The following PKIA variants were observed in gnomAD, a reference collection of about 807,000 sequenced individuals.
PKIA encodes cAMP-dependent protein kinase inhibitor alpha, also known as PKI-alpha.
A neutral mutation model predicts 7.6 loss-of-function variants in PKIA; 4 were observed. That is an observed-to-expected ratio of 0.52 (90% CI 0.26 to 1.20). The LOEUF is 1.20. Among genes scored for constraint, PKIA ranks in the 50% most tolerant of loss-of-function variants. The probability of loss-of-function intolerance (pLI) is 0.13; values close to 1 mark genes in which losing one functional copy is unlikely to be tolerated. For missense variants in PKIA, 73 were observed against 86.2 expected (o/e 0.85, Z 0.61); for synonymous variants, 21 against 30.7 (o/e 0.68, Z 1.04).
intron 1 of PKIA, among the ~76,000 whole-genome samples, chr8:78,523,131 G>A (rs1341502879): frequency 1.3e-5 from 2 of 151,850 alleles, no homozygotes; most frequent in African/African-American, 4.8e-5. Flanking sequence ...GGACAAAGAT[G>A]AAGCAACATG....
chr8:78,601,684 T>C (rs1585936783), intron 3 of PKIA, 58 bp from the exon 4 acceptor site: 4 of 1,270,728 alleles, frequency 3.1e-6, no homozygotes, highest in Non-Finnish European at 4.5e-6. Context: ...TGACAGTTGG[T>C]AAATAAAAGC....
At chr8:78,595,623 C>T (rs1343926412) in intron 2 of PKIA, among the ~76,000 whole-genome samples, 1 of 152,088 alleles carries the variant, frequency 6.6e-6, no homozygotes, top group African/African-American at 2.4e-5. Flanking sequence ...TCTATTCTTC[C>T]CTTCTTTGTG....
chr8:78,576,552 T>C (rs1266181141), intron 2 of PKIA, among the ~76,000 whole-genome samples: 1 of 152,026 alleles, frequency 6.6e-6, no homozygotes, highest in Non-Finnish European at 1.5e-5. Context: ...TTGTATCCAT[T>C]AGCCACGTGT....
chr8:78,517,755 G>T (rs983588951), intron 1 of PKIA, among the ~76,000 whole-genome samples: 3 of 152,156 alleles, frequency 2.0e-5, no homozygotes, highest in African/African-American at 7.2e-5. Context: ...ATGTACATTT[G>T]AATAATATGC....
At chr8:78,531,821 A>G (rs1011008588) in intron 1 of PKIA, among the ~76,000 whole-genome samples, 5 of 152,104 alleles carry the variant, frequency 3.3e-5, no homozygotes, top group African/African-American at 1.2e-4. Flanking sequence ...GAGATGGCAA[A>G]TTCCTGCTAG....
chr8:78,564,407 T>C (rs1344390421), intron 1 of PKIA, among the ~76,000 whole-genome samples: 1 of 151,966 alleles, frequency 6.6e-6, no homozygotes, highest in Non-Finnish European at 1.5e-5. Context: ...AATTAGTATT[T>C]TAAATATATA....
intron 3 of PKIA, among the ~76,000 whole-genome samples, chr8:78,600,676 A>G (rs1384292823): frequency 6.6e-6 from 1 of 152,142 alleles, no homozygotes; most frequent in African/African-American, 2.4e-5. Flanking sequence ...ATAGTGCATG[A>G]AAATTATATA....
chr8:78,581,469 C>G (rs1807805165), intron 2 of PKIA, among the ~76,000 whole-genome samples: 1 of 151,914 alleles, frequency 6.6e-6, no homozygotes, highest in East Asian at 1.9e-4. Flanking sequence ...CTGGGTGGCA[C>G]CTTTTAATCA....
In PKIA at chr8:78,602,618, CTGTT is replaced by C. The variant is rs1165939437; in HGVS notation, c.*800_*803del. On this transcript the variant is annotated 3_prime_UTR_variant, in exon 4 of 4. Coordinates refer to ENST00000396418, the MANE Select transcript of PKIA (RefSeq NM_006823.4). ...AATGTGAATATCACCTGAATTCAGT[CTGTT>C]TGGTGTCTGCACAGACTGGAATTCA... 2.6e-5 allele frequency: 4 copies of C among 151,504 alleles called. No individual in the cohort carries two copies. The highest frequency in any genetic ancestry group is 4.4e-5 in the Non-Finnish European group (3 of 67,772). The allele number at this position is 151,504 out of a possible 1,614,324, so 9.4% of individuals were successfully genotyped here.
intron 1 of PKIA, among the ~76,000 whole-genome samples, chr8:78,566,224 AC>A (rs963637703): frequency 6.6e-6 from 1 of 152,108 alleles, no homozygotes; most frequent in African/African-American, 2.4e-5. Context: ...TTTGGTACCA[AC>A]AAAAATCATA....
intron 1 of PKIA, among the ~76,000 whole-genome samples, chr8:78,564,523 T>C (rs2118528780): frequency 6.6e-6 from 1 of 152,178 alleles, no homozygotes; most frequent in South Asian, 2.1e-4. Flanking sequence ...CAATATCTTA[T>C]TTTGGTAATG....
intron 2 of PKIA, among the ~76,000 whole-genome samples, chr8:78,582,256 C>T (rs188230454): frequency 1.1e-4 from 17 of 150,652 alleles, no homozygotes; most frequent in African/African-American, 3.9e-4. Flanking sequence ...TAAGGACATA[C>T]CCAGGACTGG....
intron 3 of PKIA, among the ~76,000 whole-genome samples, chr8:78,599,420 TTTAGATTATTAGAA>T (rs1808303895): frequency 6.6e-6 from 1 of 152,022 alleles, no homozygotes; most frequent in South Asian, 2.1e-4. Context: ...AGGTAAAACC[TTTAGATTATTAGAA>T]AACTGAGTCA....
In PKIA at chr8:78,524,083, A is replaced by ATAAACATTTATATTTATAT. The variant is rs1563565703; in HGVS notation, c.-157+7615_-157+7616insTAAACATTTATATTTATAT. Among the ~76,000 whole-genome samples, 8 of 77,412 alleles carry ATAAACATTTATATTTATAT rather than the reference A, an allele frequency of 1.0e-4. 3 individuals carry two copies. The highest frequency in any genetic ancestry group is 1.9e-4 in the Non-Finnish European group (8 of 42,480). The allele number at this position is 77,412 out of a possible 152,430, so 50.8% of individuals were successfully genotyped here. A position where few individuals can be genotyped will look rare whatever the true frequency, so the allele number is the denominator to read the frequency against. On this transcript the variant is annotated intron_variant, in intron 1 of 3. Coordinates refer to ENST00000396418, the MANE Select transcript of PKIA (RefSeq NM_006823.4). ...ACATTTATATTTATATATAAATATA[A>ATAAACATTTATATTTATAT]ATAAACATTTATATTTATATATAAA...
chr8:78,562,572 C>G (rs1274021725), intron 1 of PKIA, among the ~76,000 whole-genome samples: 1 of 152,166 alleles, frequency 6.6e-6, no homozygotes. Context: ...TGGGATGCAG[C>G]AAGCTTGTAG....
At chr8:78,568,635 T>G (rs1163912659) in intron 1 of PKIA, among the ~76,000 whole-genome samples, 4 of 152,102 alleles carry the variant, frequency 2.6e-5, no homozygotes, top group Non-Finnish European at 5.9e-5. Context: ...TGTTTTCTTT[T>G]TGCCTCCCAC....
In PKIA at chr8:78,601,749, A is replaced by G; in HGVS notation, c.159A>G (p.Glu53=). The G allele has an allele frequency of 1.9e-6, 3 of 1,611,658 alleles. No individual in the cohort carries two copies. The highest frequency in any genetic ancestry group is 1.1e-5 in the South Asian group (1 of 90,886). The change falls in exon 4 of 4, where the codon GAA becomes GAG. Residue 53 remains glutamate (E), a synonymous_variant. Coordinates refer to ENST00000396418, the MANE Select transcript of PKIA (RefSeq NM_006823.4). ...TTCGTTTTTCTTTTGCAGAAGGTGA[A>G]GAAGATGCACAACGAAGTTCTACAG... is the stretch of plus-strand genomic sequence containing the variant. ...AGLDINKTEG[E]EDAQRSSTEQ...
rs1366930335 is a variant in PKIA at position 78,600,853 on chromosome 8, G to A, written c.152-889G>A. Among the ~76,000 whole-genome samples the A allele has an allele frequency of 2.0e-5, 3 of 152,156 alleles. No homozygotes were observed. In the East Asian group the frequency reaches 5.8e-4, roughly 29 times the overall value. ...CTGCCTTATAACATTATGGTCCAAAGAATAGGCCATCCAACTTACCTGCTT... is the reference window on the plus strand; with the variant it reads ...CTGCCTTATAACATTATGGTCCAAAAAATAGGCCATCCAACTTACCTGCTT... On this transcript the variant is annotated intron_variant, in intron 3 of 3. Coordinates refer to ENST00000396418, the MANE Select transcript of PKIA (RefSeq NM_006823.4).
intron 1 of PKIA, among the ~76,000 whole-genome samples, chr8:78,550,885 T>A (rs933205746): frequency 2.6e-5 from 4 of 152,012 alleles, no homozygotes; most frequent in Admixed American, 6.6e-5. Flanking sequence ...ATAGCTTAGC[T>A]CCCACTTATG....
Sources: gnomAD v4.1 joint callset for allele counts (sites outside exome capture counted in the v4.1 genomes callset) on GRCh38, gnomAD v4.1.1 for gene constraint, MANE v1.5 for transcripts, NCBI Gene and HGNC (gene_info 2026-07-23, HGNC 2026-07-21) for gene names.